Variants in SLC16A9 observed in about 807,000 individuals in gnomAD.
SLC16A9 encodes solute carrier family 16 member 9, also known as monocarboxylate transporter 9.
Under a neutral mutation model 44.3 loss-of-function variants are expected in SLC16A9, and 26 were observed. The observed-to-expected ratio is 0.59, with a 90% CI of 0.43 to 0.81. SLC16A9 has a LOEUF of 0.81. Among genes scored for constraint, SLC16A9 ranks in the 40% least tolerant of loss-of-function variants. The pLI is 0.00. For missense variants in SLC16A9, 559 were observed against 595.8 expected (o/e 0.94, Z 0.64); for synonymous variants, 230 against 225.1 (o/e 1.02, Z -0.19).
intron 2 of SLC16A9, among the ~76,000 whole-genome samples, chr10:59,674,909 C>T (rs901265865): frequency 7.2e-5 from 11 of 152,188 alleles, no homozygotes; most frequent in Non-Finnish European, 1.5e-4. Flanking sequence ...ACCAAAGCCA[C>T]TGCTGTATGA....
rs865788397 is a variant in SLC16A9, at chr10:59,696,878, G to C, written c.-36-12551C>G. 1.2e-3 allele frequency among the ~76,000 whole-genome samples: 183 copies of C among 150,638 alleles called. 1 individual carries two copies. Among genetic ancestry groups the C allele is most frequent in the African/African-American group, 4.2e-3 (173 of 41,042 alleles). Reference sequence around the variant, plus strand: ...AGCCCCTCCGCCCAGCAGCCACCCCGTGTGGGAAGTGAGGAGCGTCTCCGC... The same window carrying C: ...AGCCCCTCCGCCCAGCAGCCACCCCCTGTGGGAAGTGAGGAGCGTCTCCGC... On this transcript the variant is annotated intron_variant, in intron 1 of 5. Coordinates refer to ENST00000395348, the MANE Select transcript of SLC16A9 (RefSeq NM_194298.3).
chr10:59,707,947 C>G (rs1170556894), intron 1 of SLC16A9, among the ~76,000 whole-genome samples: 1 of 152,200 alleles, frequency 6.6e-6, no homozygotes, highest in African/African-American at 2.4e-5. Context: ...ATCTACCTCC[C>G]CATATCTTTG....
At position 59,651,048 on chromosome 10, in the gene SLC16A9, G is replaced by A. The variant is rs957810804; in HGVS notation, c.*1724C>T. On this transcript the variant is annotated 3_prime_UTR_variant, in exon 6 of 6. Transcript: ENST00000395348. ...AACCTTGACAGGGACTAAAGAATGA[G>A]GTACAGAAAACTTTCCAGAAGTCTG... is the stretch of plus-strand genomic sequence containing the variant. 2.6e-5 allele frequency: 4 copies of A among 151,680 alleles called. No homozygotes were observed. The highest frequency in any genetic ancestry group is 5.9e-5 in the Non-Finnish European group (4 of 67,944). The allele number at this position is 151,680 out of a possible 1,614,324, so 9.4% of individuals were successfully genotyped here. A position where few individuals can be genotyped will look rare whatever the true frequency, so the allele number is the denominator to read the frequency against.
chr10:59,677,063 T>TCACACACACACACACACACACA lies in SLC16A9; in HGVS notation c.197-4151_197-4150insTGTGTGTGTGTGTGTGTGTGTG, dbSNP rs57206841. ...AGACAGTAAGAAGATAATAGGAACT[T>TCACACACACACACACACACACA]CACACACACACACACACTCATACAT... is the stretch of plus-strand genomic sequence containing the variant. On this transcript the variant is annotated intron_variant, in intron 2 of 5. Transcript: ENST00000395348. Among the ~76,000 whole-genome samples the TCACACACACACACACACACACA allele has an allele frequency of 3.2e-3, 478 of 149,230 alleles. 4 individuals are homozygous for TCACACACACACACACACACACA. Among genetic ancestry groups the TCACACACACACACACACACACA allele is most frequent in the African/African-American group, 9.1e-3 (365 of 40,246 alleles).
At chr10:59,703,257 G>GCC (rs1840563839) in intron 1 of SLC16A9, among the ~76,000 whole-genome samples, 2 of 152,226 alleles carry the variant, frequency 1.3e-5, no homozygotes, top group East Asian at 3.9e-4. Context: ...AAATAGCTAG[G>GCC]ACTACAGGCA....
At chr10:59,696,942 G>GC (rs1461008434) in intron 1 of SLC16A9, among the ~76,000 whole-genome samples, 14 of 139,146 alleles carry the variant, frequency 1.0e-4, no homozygotes, top group African/African-American at 3.9e-4. Flanking sequence ...TGGGGGGTCA[G>GC]CCCCCCGCCC....
intron 1 of SLC16A9, among the ~76,000 whole-genome samples, chr10:59,695,363 G>A (rs1719686193): frequency 6.6e-6 from 1 of 152,102 alleles, no homozygotes; most frequent in Non-Finnish European, 1.5e-5. Context: ...TAAACCCTAT[G>A]TGAATTTGTC....
intron 1 of SLC16A9, among the ~76,000 whole-genome samples, chr10:59,696,949 G>T (rs1473161026): frequency 7.3e-6 from 1 of 136,380 alleles, no homozygotes; most frequent in Non-Finnish European, 1.6e-5. Flanking sequence ...TCAGCCCCCC[G>T]CCCGGCCAGC....
At chr10:59,656,460 T>A (rs559732152) in intron 4 of SLC16A9, among the ~76,000 whole-genome samples, 1 of 152,200 alleles carries the variant, frequency 6.6e-6, no homozygotes, top group Non-Finnish European at 1.5e-5. Flanking sequence ...ATGATGAAAA[T>A]CAATTCAACA....
intron 1 of SLC16A9, among the ~76,000 whole-genome samples, chr10:59,700,100 C>T (rs377715425): frequency 1.3e-5 from 2 of 152,144 alleles, no homozygotes; most frequent in East Asian, 1.9e-4. Flanking sequence ...TCATAGGCTG[C>T]TCTTAGATCA....
At chr10:59,702,072 T>A (rs1206096084) in intron 1 of SLC16A9, among the ~76,000 whole-genome samples, 1 of 152,248 alleles carries the variant, frequency 6.6e-6, no homozygotes, top group Non-Finnish European at 1.5e-5. Flanking sequence ...CTGTATGGAA[T>A]GAATGAATGA....
At chr10:59,688,977 T>A (rs990262885) in intron 1 of SLC16A9, among the ~76,000 whole-genome samples, 2 of 152,054 alleles carry the variant, frequency 1.3e-5, no homozygotes, top group African/African-American at 2.4e-5. Flanking sequence ...TCCCTTGCAT[T>A]GCCATGCCCT....
At position 59,685,498 on chromosome 10, in the gene SLC16A9, A is replaced by T. The variant is rs1019323766; in HGVS notation, c.-36-1171T>A. 2.6e-5 allele frequency among the ~76,000 whole-genome samples: 4 copies of T among 152,240 alleles called. No individual in the cohort carries two copies. The South Asian group carries it at 8.3e-4, about 32-fold the overall frequency. On this transcript the variant is annotated intron_variant, in intron 1 of 5. Coordinates refer to ENST00000395348, the MANE Select transcript of SLC16A9 (RefSeq NM_194298.3). ...TATTTTTTACACACAAAAAAATAGC[A>T]TATTATATACATTGGTATGTGCCTT...
At chr10:59,707,409 C>A (rs1840668640) in intron 1 of SLC16A9, among the ~76,000 whole-genome samples, 1 of 149,988 alleles carries the variant, frequency 6.7e-6, no homozygotes, top group Admixed American at 6.6e-5. Context: ...AGAGTAGAAC[C>A]CTGGTTACCA....
chr10:59,658,563 C>T (rs1839400655), intron 4 of SLC16A9, among the ~76,000 whole-genome samples: 1 of 152,164 alleles, frequency 6.6e-6, no homozygotes, highest in Non-Finnish European at 1.5e-5. Flanking sequence ...CGATGTCATA[C>T]TGCCTCTACA....
At chr10:59,681,894 G>A (rs374251458) in intron 2 of SLC16A9, among the ~76,000 whole-genome samples, 4 of 134,150 alleles carry the variant, frequency 3.0e-5, no homozygotes, top group South Asian at 4.9e-4. Flanking sequence ...ATACACACAC[G>A]CAGGCGTAAG....
chr10:59,660,517 C>A (rs1426931757), intron 4 of SLC16A9, among the ~76,000 whole-genome samples: 1 of 152,116 alleles, frequency 6.6e-6, no homozygotes, highest in Non-Finnish European at 1.5e-5. Context: ...TAATAGCCTA[C>A]CAACCCAAAA....
chr10:59,698,081 G>GT (rs1840441586), intron 1 of SLC16A9, among the ~76,000 whole-genome samples: 1 of 152,020 alleles, frequency 6.6e-6, no homozygotes, highest in Admixed American at 6.6e-5. Context: ...GGGATTTCTG[G>GT]TAATTTCATA....
At position 59,653,923 on chromosome 10, in the gene SLC16A9, C is replaced by T. The variant is rs1333486188; in HGVS notation, c.1103G>A (p.Trp368Ter). Residue 368 changes from tryptophan (W) to a stop codon, truncating the protein, a stop_gained, in exon 5 of 6, where the codon TGG (tryptophan) becomes TAG (stop). Coordinates refer to ENST00000395348, the MANE Select transcript of SLC16A9 (RefSeq NM_194298.3). LOFTEE classifies it high-confidence loss of function. The stretch of plus-strand genomic sequence containing the variant: ...AACATAAAGATACAAGGTATTAATC[C>T]ACTTGAAGTCAGCCAGTATCCCTAA... ...LLLGILADFK[W>*]INTLYLYVAT... 1.9e-6 allele frequency: 3 copies of T among 1,614,058 alleles called. No individual in the cohort carries two copies. Among genetic ancestry groups the T allele is most frequent in the Admixed American group, 3.3e-5 (2 of 60,026 alleles).
Sources: gnomAD v4.1 joint callset for allele counts (sites outside exome capture counted in the v4.1 genomes callset) on GRCh38, gnomAD v4.1.1 for gene constraint, MANE v1.5 for transcripts, NCBI Gene and HGNC (gene_info 2026-07-23, HGNC 2026-07-21) for gene names.